MEIS1: variants seen among roughly 807,000 people sequenced by gnomAD.
MEIS1 encodes the protein homeobox protein Meis1.
A neutral mutation model predicts 50.8 loss-of-function variants in MEIS1; 5 were observed. That is an observed-to-expected ratio of 0.10 (90% CI 0.05 to 0.21). MEIS1 has a LOEUF of 0.21. MEIS1 is among the 10% of genes least tolerant of loss of function. The probability of loss-of-function intolerance (pLI) is 1.00; values close to 1 mark genes in which losing one functional copy is unlikely to be tolerated. For synonymous variants in MEIS1, 176 were observed against 179.3 expected, an observed-to-expected ratio of 0.98 and a Z score of 0.15; for missense variants, 318 against 517.3, an observed-to-expected ratio of 0.61 and a Z score of 3.74.
intron 7 of MEIS1, among the ~76,000 whole-genome samples, chr2:66,485,499 T>C (rs1020441995): frequency 6.6e-6 from 1 of 152,208 alleles, no homozygotes; most frequent in Non-Finnish European, 1.5e-5. Flanking sequence ...TTATCCTACA[T>C]TGATGGGCAT....
intron 8 of MEIS1, among the ~76,000 whole-genome samples, chr2:66,536,923 G>A (rs1674534911): frequency 6.6e-6 from 1 of 152,012 alleles, no homozygotes; most frequent in Admixed American, 6.6e-5. Flanking sequence ...TTAAATTTTA[G>A]CTTTACAAAG....
intron 8 of MEIS1, among the ~76,000 whole-genome samples, chr2:66,543,954 C>A (rs1674722103): frequency 6.6e-6 from 1 of 152,186 alleles, no homozygotes. Context: ...GAAGTGCCAT[C>A]CATCTTGCCT....
At chr2:66,443,083 A>T in intron 6 of MEIS1, 35 bp downstream of exon 6, 1 of 1,556,336 alleles carries the variant, frequency 6.4e-7, no homozygotes, top group African/African-American at 1.4e-5. Flanking sequence ...CCCTGGGAAA[A>T]AAAAAAATCT....
intron 6 of MEIS1, among the ~76,000 whole-genome samples, chr2:66,457,569 CATT>C (rs1015174681): frequency 4.6e-5 from 7 of 152,142 alleles, no homozygotes; most frequent in African/African-American, 1.7e-4. Flanking sequence ...CAGATGGTAT[CATT>C]GATTGAGGAG....
At chr2:66,478,566 G>T (rs191775019) in intron 7 of MEIS1, among the ~76,000 whole-genome samples, 11 of 152,280 alleles carry the variant, frequency 7.2e-5, no homozygotes, top group African/African-American at 2.6e-4. Context: ...ATGATGAATT[G>T]GAAAGAACTA....
At chr2:66,557,901 C>G (rs913810587) in intron 9 of MEIS1, among the ~76,000 whole-genome samples, 2 of 152,162 alleles carry the variant, frequency 1.3e-5, no homozygotes, top group Admixed American at 1.3e-4. Flanking sequence ...ACTCAGTTCT[C>G]ATATTCTTCT....
intron 9 of MEIS1, among the ~76,000 whole-genome samples, chr2:66,550,625 T>C (rs562913194): frequency 1.3e-5 from 2 of 152,040 alleles, no homozygotes; most frequent in South Asian, 4.2e-4. Context: ...GCCTCCCCAG[T>C]AGTTGGGAAT....
At chr2:66,468,305 C>T (rs1039638723) in intron 7 of MEIS1, among the ~76,000 whole-genome samples, 2 of 152,158 alleles carry the variant, frequency 1.3e-5, no homozygotes, top group African/African-American at 2.4e-5. Context: ...GCCTCTTCCC[C>T]TAGATTTTTA....
At chr2:66,469,392 C>A (rs1444660391) in intron 7 of MEIS1, among the ~76,000 whole-genome samples, 4 of 152,086 alleles carry the variant, frequency 2.6e-5, no homozygotes, top group Non-Finnish European at 5.9e-5. Context: ...ACTCTCCAGG[C>A]AGTTGTTCCA....
At chr2:66,564,234 GT>G (rs1675284367) in intron 9 of MEIS1, among the ~76,000 whole-genome samples, 3 of 150,788 alleles carry the variant, frequency 2.0e-5, no homozygotes, top group African/African-American at 7.3e-5. Flanking sequence ...TTAATTAAAG[GT>G]TTCCCCCTTT....
intron 7 of MEIS1, among the ~76,000 whole-genome samples, chr2:66,486,688 G>A (rs573106810): frequency 6.6e-6 from 1 of 152,290 alleles, no homozygotes; most frequent in South Asian, 2.1e-4. Context: ...ATTACTTTGG[G>A]CAGTATGGCC....
intron 6 of MEIS1, among the ~76,000 whole-genome samples, chr2:66,445,651 C>T (rs919139433): frequency 6.6e-6 from 1 of 152,044 alleles, no homozygotes; most frequent in African/African-American, 2.4e-5. Context: ...GGCCCGTTGG[C>T]GGCACGGTTT....
At chr2:66,473,397 A>AAAAAAAAAAATATATATATATATAT in intron 7 of MEIS1, among the ~76,000 whole-genome samples, 6 of 107,586 alleles carry the variant, frequency 5.6e-5, no homozygotes, top group African/African-American at 2.9e-4. Context: ...AAAAAAAAAA[A>AAAAAAAAAAATATATATATATATAT]ATATATATAT....
chr2:66,572,007 CTCTT>C lies in MEIS1; in HGVS notation c.*803_*806del, dbSNP rs1346619465. The C allele has an allele frequency of 1.9e-5, 3 of 161,786 alleles. No homozygotes were observed. The highest frequency in any genetic ancestry group is 6.5e-5 in the Admixed American group (1 of 15,392). 10.0% of individuals were successfully genotyped at this position (161,786 alleles called of 1,614,324 possible). On this transcript the variant is annotated 3_prime_UTR_variant, in exon 13 of 13. Coordinates refer to ENST00000272369, the MANE Select transcript of MEIS1 (RefSeq NM_002398.3). ...GATTTCAGCCATGCGCGCGCTCTCT[CTCTT>C]TCTCTCTCTTTTCCTCTCTCTCCCT... is the stretch of plus-strand genomic sequence containing the variant.
intron 7 of MEIS1, among the ~76,000 whole-genome samples, chr2:66,489,441 A>T (rs1673222224): frequency 6.6e-6 from 1 of 152,170 alleles, no homozygotes; most frequent in Non-Finnish European, 1.5e-5. Flanking sequence ...AATATAGTAG[A>T]CTTACATTTT....
chr2:66,502,863 T>A (rs976624754), intron 7 of MEIS1, among the ~76,000 whole-genome samples: 1 of 152,240 alleles, frequency 6.6e-6, no homozygotes, highest in African/African-American at 2.4e-5. Flanking sequence ...ACTTTCTTCC[T>A]GCACCCAGGG....
At chr2:66,566,045 A>AC (rs1177103625) in intron 9 of MEIS1, among the ~76,000 whole-genome samples, 1 of 152,306 alleles carries the variant, frequency 6.6e-6, no homozygotes, top group African/African-American at 2.4e-5. Context: ...GATAATGATA[A>AC]CCTGATTTGC....
chr2:66,464,245 G>C (rs1207969728), intron 7 of MEIS1, 25 bp downstream of exon 7: 1 of 1,517,966 alleles, frequency 6.6e-7, no homozygotes, highest in Non-Finnish European at 9.0e-7. Context: ...ATTCTCTTTT[G>C]CTACTTGTTT....
chr2:66,526,513 C>T (rs1674255370), intron 8 of MEIS1, among the ~76,000 whole-genome samples: 1 of 152,166 alleles, frequency 6.6e-6, no homozygotes, highest in Admixed American at 6.5e-5. Context: ...TACATAAAAT[C>T]TCCATTTGAA....
Sources: gnomAD v4.1 joint callset for allele counts (sites outside exome capture counted in the v4.1 genomes callset) on GRCh38, gnomAD v4.1.1 for gene constraint, MANE v1.5 for transcripts, NCBI Gene and HGNC (gene_info 2026-07-23, HGNC 2026-07-21) for gene names.